JMJD1C: variants seen among roughly 807,000 people sequenced by gnomAD.
JMJD1C encodes the protein jumonji domain containing 1C, also known as jumonji domain-containing protein 1C.
Under a neutral mutation model 245.3 loss-of-function variants are expected in JMJD1C, and 31 were observed. That is an observed-to-expected ratio of 0.13 (90% CI 0.09 to 0.17). JMJD1C has a LOEUF of 0.17. Ranked by LOEUF, JMJD1C falls within the 10% of genes least tolerant of loss-of-function variation. JMJD1C has a pLI of 1.00. For missense variants in JMJD1C, 2,691 were observed against 3,000.2 expected, an observed-to-expected ratio of 0.90 and a Z score of 2.41; for synonymous variants, 1,057 against 1,017.4, an observed-to-expected ratio of 1.04 and a Z score of -0.74.
chr10:63,298,138 T>C (rs919117371), intron 2 of JMJD1C, among the ~76,000 whole-genome samples: 7 of 152,158 alleles, frequency 4.6e-5, no homozygotes, highest in African/African-American at 1.7e-4. Context: ...TGCACAGTGA[T>C]TGGACCCTGT....
chr10:63,199,591 T>C (rs967442162), intron 11 of JMJD1C, among the ~76,000 whole-genome samples: 5 of 152,180 alleles, frequency 3.3e-5, no homozygotes, highest in African/African-American at 1.2e-4. Flanking sequence ...CTTCAGACTT[T>C]TCCTAGATTT....
intron 2 of JMJD1C, among the ~76,000 whole-genome samples, chr10:63,279,202 A>G (rs1360950763): frequency 6.6e-6 from 1 of 152,192 alleles, no homozygotes; most frequent in Non-Finnish European, 1.5e-5. Flanking sequence ...GTGAGCTAAG[A>G]CGGTGCCATT....
chr10:63,241,453 T>C (rs1851474605), intron 3 of JMJD1C, among the ~76,000 whole-genome samples: 2 of 152,150 alleles, frequency 1.3e-5, no homozygotes, highest in South Asian at 2.1e-4. Context: ...TTAAAATTAT[T>C]TATATAAGGG....
chr10:63,397,694 AG>A (rs113701483), intron 1 of JMJD1C, among the ~76,000 whole-genome samples: 22,415 of 151,846 alleles, frequency 0.15, 3,883 homozygotes, highest in African/African-American at 0.42. Flanking sequence ...CACCACACCC[AG>A]GTAAGTTTTT....
At chr10:63,419,596 AGTCCAAATCTAGG>A (rs1407897870) in intron 1 of JMJD1C, among the ~76,000 whole-genome samples, 1 of 152,118 alleles carries the variant, frequency 6.6e-6, no homozygotes, top group African/African-American at 2.4e-5. Flanking sequence ...GATCTAAAAA[AGTCCAAATCTAGG>A]GTTCCAACAA....
intron 1 of JMJD1C, among the ~76,000 whole-genome samples, chr10:63,517,869 T>C (rs556627394): frequency 3.6e-4 from 53 of 147,440 alleles, no homozygotes; most frequent in African/African-American, 1.2e-3. Context: ...CTCAGCTCAG[T>C]GCAACCTCCG....
chr10:63,179,719 G>C (rs1347329825), intron 22 of JMJD1C, among the ~76,000 whole-genome samples: 2 of 151,432 alleles, frequency 1.3e-5, no homozygotes, highest in Non-Finnish European at 2.9e-5. Context: ...GCTGCAGTGA[G>C]CTGAGTCTGT....
chr10:63,251,300 C>T (rs1371815553), intron 3 of JMJD1C, among the ~76,000 whole-genome samples: 1 of 152,078 alleles, frequency 6.6e-6, no homozygotes, highest in Non-Finnish European at 1.5e-5. Flanking sequence ...TCTGAAAAAG[C>T]ACTGGGTATT....
chr10:63,418,687 GGACA>G (rs1332860018), intron 1 of JMJD1C, among the ~76,000 whole-genome samples: 1 of 152,050 alleles, frequency 6.6e-6, no homozygotes, highest in African/African-American at 2.4e-5. Flanking sequence ...CCTACTGAAA[GGACA>G]GACATATAAA....
chr10:63,215,748 A>G (rs754475221), intron 5 of JMJD1C, 52 bp from the exon 6 acceptor site: 1 of 1,242,786 alleles, frequency 8.0e-7, no homozygotes, highest in South Asian at 1.8e-5. Flanking sequence ...GAGCTAATCA[A>G]ATATTTGGTA....
Position 63,465,579 on chromosome 10 carries a change from C to A in JMJD1C, c.84G>T (p.Trp28Cys). The change falls in exon 1 of 26, where the codon TGG (tryptophan) becomes TGT (cysteine). Residue 28 changes from tryptophan (W) to cysteine (C), a missense_variant. Trp to Cys is a radical substitution (Grantham distance 215). Around this residue, in one of 9 missense-constraint regions of JMJD1C, gnomAD observed 135 missense variants for 115.5 expected, o/e 1.17. Transcript: ENST00000399262. ...AGCTTCGCCAGCCGCGTCCGCTCTC[C>A]CAGCGCTCCGAACGTGCCTCGTCGC... ...AVGDEARSER[W>C]ESGRGWRSWR... is the part of the protein sequence containing the mutation. 6.2e-7 allele frequency: 1 copy of A among 1,609,260 alleles called. No individual in the cohort carries two copies. Among genetic ancestry groups the A allele is most frequent in the South Asian group, 1.1e-5 (1 of 91,042 alleles).
chr10:63,508,353 AC>A (rs1954782712), intron 1 of JMJD1C, among the ~76,000 whole-genome samples: 1 of 152,092 alleles, frequency 6.6e-6, no homozygotes, highest in South Asian at 2.1e-4. Context: ...CTATTCTTTC[AC>A]TAGTGCCATA....
intron 1 of JMJD1C, among the ~76,000 whole-genome samples, chr10:63,398,224 T>TTG (rs1948625742): frequency 6.6e-6 from 1 of 152,192 alleles, no homozygotes; most frequent in Admixed American, 6.5e-5. Context: ...ATTGCAACTG[T>TTG]TTGATATGAC....
intron 1 of JMJD1C, among the ~76,000 whole-genome samples, chr10:63,448,941 A>T (rs1951869578): frequency 6.6e-6 from 1 of 152,010 alleles, no homozygotes; most frequent in African/African-American, 2.4e-5. Context: ...ACATGGTGAA[A>T]CCCCTTCTCT....
At chr10:63,488,860 T>TGAGTG (rs1954079891) in intron 1 of JMJD1C, among the ~76,000 whole-genome samples, 1 of 152,184 alleles carries the variant, frequency 6.6e-6, no homozygotes, top group African/African-American at 2.4e-5. Flanking sequence ...GCTGTTTATA[T>TGAGTG]GAGTGTGTTC....
rs375226172 is a variant in JMJD1C, at chr10:63,390,316, A to G, written c.169-9834T>C. On this transcript the variant is annotated intron_variant, in intron 1 of 25. Transcript: ENST00000399262. ...AAATTCCTGGACACATACAACTACC[A>G]AGATTGAATCAGGAAGAAATAGAAA... 4.9e-4 allele frequency among the ~76,000 whole-genome samples: 75 copies of G among 152,278 alleles called. No homozygotes were observed. In the East Asian group the frequency reaches 0.013, roughly 26 times the overall value.
intron 1 of JMJD1C, among the ~76,000 whole-genome samples, chr10:63,392,823 C>CAA (rs1564870476): frequency 1.1e-4 from 7 of 65,454 alleles, no homozygotes; most frequent in African/African-American, 4.5e-4. Context: ...GACTTCGTCT[C>CAA]CAAAAAAAAA....
intron 1 of JMJD1C, among the ~76,000 whole-genome samples, chr10:63,434,971 C>T (rs77557103): frequency 0.013 from 2,016 of 152,296 alleles, 30 homozygotes; most frequent in African/African-American, 0.034. Context: ...CTCCTCACAA[C>T]ACTTCCTCAT....
chr10:63,198,631 A>T lies in JMJD1C; in HGVS notation c.5373T>A (p.Asn1791Lys). The T allele has an allele frequency of 6.2e-7, 1 of 1,612,234 alleles. No individual in the cohort carries two copies. Among genetic ancestry groups the T allele is most frequent in the South Asian group, 1.1e-5 (1 of 91,046 alleles). ...DEAMSLWTHENFEDDELDIET... is the reference protein window; with the variant it reads ...DEAMSLWTHEKFEDDELDIET... ...CTATATCTAGTTCATCATCTTCAAA[A>T]TTTTCATGTGTCCACAAACTCATAG... is the stretch of plus-strand genomic sequence containing the variant. Residue 1791 changes from asparagine to lysine, a missense_variant, in exon 12 of 26, where the codon AAT becomes AAA. Physicochemically the swap from Asn to Lys is moderately conservative, Grantham distance 94 (BLOSUM62 0). Transcript: ENST00000399262.
Sources: gnomAD v4.1 joint callset for allele counts (sites outside exome capture counted in the v4.1 genomes callset) on GRCh38, gnomAD v4.1.1 for gene constraint, gnomAD v4.1.1 regional missense constraint, MANE v1.5 for transcripts, NCBI Gene and HGNC (gene_info 2026-07-23, HGNC 2026-07-21) for gene names.